The following RMI1 variants were observed in gnomAD, a reference collection of about 807,000 sequenced individuals.
The protein encoded by RMI1 is recQ-mediated genome instability protein 1.
A neutral mutation model predicts 46.7 loss-of-function variants in RMI1; 36 were observed. The ratio of observed to expected loss-of-function variants is 0.77; its 90% CI spans 0.59 to 1.02. The LOEUF is 1.02. RMI1 is among the 50% of genes least tolerant of loss of function. The pLI, the probability that RMI1 is intolerant of heterozygous loss-of-function variation, is 0.00. For missense variants in RMI1, 676 were observed against 713.7 expected (o/e 0.95, Z 0.60); for synonymous variants, 250 against 252.9 (o/e 0.99, Z 0.11).
At chr9:83,988,315 T>C (rs1037110821) in intron 1 of RMI1, among the ~76,000 whole-genome samples, 1 of 152,230 alleles carries the variant, frequency 6.6e-6, no homozygotes, top group African/African-American at 2.4e-5. Context: ...TCCTTTTGTT[T>C]TGTTTTGAAA....
At chr9:83,987,386 C>T (rs1017072048) in intron 1 of RMI1, among the ~76,000 whole-genome samples, 1 of 152,154 alleles carries the variant, frequency 6.6e-6, no homozygotes, top group African/African-American at 2.4e-5. Flanking sequence ...TATCACTTTT[C>T]TGCTCCTTTT....
chr9:83,980,982 G>T (rs1310035193), intron 1 of RMI1, 91 bp downstream of exon 1: 3 of 152,448 alleles, frequency 2.0e-5, no homozygotes, highest in Admixed American at 2.0e-4. Flanking sequence ...TGGTCTGTGG[G>T]CTGTGGGACG....
rs1269306184 is a variant in RMI1 at position 84,000,938 on chromosome 9, T to C, written c.-36-13T>C. 2 of 1,437,358 alleles carry C rather than the reference T, an allele frequency of 1.4e-6. No individual in the cohort carries two copies. The highest frequency in any genetic ancestry group is 2.9e-5 in the African/African-American group (2 of 70,072). The allele number at this position is 1,437,358 out of a possible 1,614,324, so 89.0% of individuals were successfully genotyped here. ...TACTGAATTATCTAAATTTTTTTGT[T>C]TTTTGTTTTCAGGTAATAGATGCAT... On this transcript the variant is annotated splice_polypyrimidine_tract_variant and intron_variant, in intron 2 of 2. Transcript: ENST00000445877.
chr9:84,001,452 A>G lies in RMI1; in HGVS notation c.466A>G (p.Ile156Val), dbSNP rs201209251. ...GGGAATGGAATATCAGCCTATTCCA[A>G]TTCTTCATAGTGATCTTCCTCCAGG... ...IQGMEYQPIP[I>V]LHSDLPPGTK... The change falls in exon 3 of 3, where the codon ATT becomes GTT. Residue 156 changes from isoleucine (I) to valine (V), a missense_variant. Coordinates refer to ENST00000445877, the MANE Select transcript of RMI1 (RefSeq NM_001358291.2). 3.7e-5 allele frequency: 59 copies of G among 1,613,864 alleles called. No individual in the cohort carries two copies. The highest frequency in any genetic ancestry group is 4.7e-5 in the Non-Finnish European group (56 of 1,179,882).
intron 1 of RMI1, 34 bp downstream of exon 1, chr9:83,980,925 T>G (rs1218246905): frequency 3.9e-5 from 6 of 152,300 alleles, no homozygotes; most frequent in Non-Finnish European, 8.8e-5. Context: ...GCCCGTGTTT[T>G]CACAGCCCAC....
rs373931371 is a variant in RMI1, at chr9:84,001,232, T to C, written c.246T>C (p.Asn82=). The change falls in exon 3 of 3, where the codon AAT becomes AAC. Residue 82 remains asparagine, a synonymous_variant. Transcript: ENST00000445877. The part of the protein sequence containing the change: ...GILEIPKGEL[N]GFYALQINSL... ...TAGAAATTCCAAAAGGAGAATTAAA[T>C]GGATTTTATGCTCTGCAGATTAATT... 1.9e-5 allele frequency: 31 copies of C among 1,614,044 alleles called. No individual in the cohort carries two copies. Among genetic ancestry groups the C allele is most frequent in the Non-Finnish European group, 5.1e-6 (6 of 1,180,000 alleles).
intron 1 of RMI1, among the ~76,000 whole-genome samples, chr9:83,988,773 A>G (rs1003118311): frequency 4.6e-5 from 7 of 152,206 alleles, no homozygotes; most frequent in African/African-American, 1.4e-4. Context: ...CCTGATGTCT[A>G]ATAATATTGA....
intron 1 of RMI1, among the ~76,000 whole-genome samples, chr9:83,983,880 A>C (rs1213241951): frequency 6.6e-6 from 1 of 152,130 alleles, no homozygotes; most frequent in African/African-American, 2.4e-5. Flanking sequence ...TTCCCAACAA[A>C]ATGTGAATGT....
In RMI1 at chr9:84,001,872, A is replaced by G; in HGVS notation, c.886A>G (p.Lys296Glu). The change falls in exon 3 of 3, where the codon AAA (lysine) becomes GAA (glutamate). Residue 296 changes from lysine to glutamate, a missense_variant. Transcript: ENST00000445877. Reference protein sequence around the residue: ...EPEFVISPRPKEEPSNLSIHV... With the variant: ...EPEFVISPRPEEEPSNLSIHV... ...AGAATTTGTTATTTCTCCAAGACCA[A>G]AAGAGGAACCATCAAACCTATCTAT... is the stretch of plus-strand genomic sequence containing the variant. The G allele has an allele frequency of 6.2e-7, 1 of 1,614,072 alleles. No individual in the cohort carries two copies. Among genetic ancestry groups the G allele is most frequent in the Non-Finnish European group, 8.5e-7 (1 of 1,179,964 alleles).
chr9:83,982,094 C>CA (rs1375787996), intron 1 of RMI1, among the ~76,000 whole-genome samples: 1 of 152,172 alleles, frequency 6.6e-6, no homozygotes, highest in Non-Finnish European at 1.5e-5. Context: ...TTCTAAAACA[C>CA]AAAGTTCAGA....
At position 84,002,823 on chromosome 9, in the gene RMI1, A is replaced by G. The variant is rs968787496; in HGVS notation, c.1837A>G (p.Met613Val). The G allele has an allele frequency of 7.6e-6, 12 of 1,585,908 alleles. No individual in the cohort carries two copies. Among genetic ancestry groups the G allele is most frequent in the East Asian group, 4.5e-5 (2 of 44,272 alleles). ...GGTACTGGCATTACAAGATGTTAAT[A>G]TGGAACACCTTGAGAATCTAAAGAA... ...AMVLALQDVNMEHLENLKKRL... is the reference protein window; with the variant it reads ...AMVLALQDVNVEHLENLKKRL... The change falls in exon 3 of 3, where the codon ATG becomes GTG. Residue 613 changes from methionine to valine, a missense_variant. Coordinates refer to ENST00000445877, the MANE Select transcript of RMI1 (RefSeq NM_001358291.2).
upstream of RMI1, chr9:83,980,672 A>C (rs554302760): frequency 1.3e-5 from 2 of 152,370 alleles, no homozygotes; most frequent in South Asian, 4.1e-4. Flanking sequence ...CTCTCGCGAG[A>C]TCTAACAACT....
At chr9:83,982,755 C>A (rs746422795) in intron 1 of RMI1, among the ~76,000 whole-genome samples, 16 of 151,780 alleles carry the variant, frequency 1.1e-4, no homozygotes, top group Non-Finnish European at 2.1e-4. Context: ...ATTATTCATC[C>A]CCTCTAGATG....
rs568188572 is a variant in RMI1 at position 83,989,003 on chromosome 9, C to T, written c.-126+8112C>T. 1.6e-4 allele frequency among the ~76,000 whole-genome samples: 24 copies of T among 152,170 alleles called. No individual in the cohort carries two copies. In the East Asian group the frequency reaches 4.1e-3, roughly 26 times the overall value. On this transcript the variant is annotated intron_variant, in intron 1 of 2. Coordinates refer to ENST00000445877, the MANE Select transcript of RMI1 (RefSeq NM_001358291.2). ...TCCTGAGTAGTTGAGACCACAGGCA[C>T]ATGCCACCATGCCCACCTAATTTTG...
intron 1 of RMI1, among the ~76,000 whole-genome samples, chr9:83,989,667 C>CAAAAAAAA (rs34101686): frequency 2.1e-5 from 3 of 141,990 alleles, no homozygotes; most frequent in Admixed American, 6.9e-5. Context: ...ATCAAAAAGA[C>CAAAAAAAA]AAAAAAAAAA....
At chr9:83,992,109 A>G (rs1957583770) in intron 1 of RMI1, among the ~76,000 whole-genome samples, 1 of 152,228 alleles carries the variant, frequency 6.6e-6, no homozygotes, top group East Asian at 1.9e-4. Context: ...CTTCTAATCC[A>G]TGAACACATC....
intron 1 of RMI1, among the ~76,000 whole-genome samples, chr9:83,997,565 G>A (rs1422551559): frequency 6.6e-6 from 1 of 152,050 alleles, no homozygotes; most frequent in African/African-American, 2.4e-5. Context: ...GGAGGAGGGT[G>A]TCACATGGAA....
intron 1 of RMI1, among the ~76,000 whole-genome samples, chr9:83,996,846 CA>C (rs1157924128): frequency 6.6e-6 from 1 of 150,516 alleles, no homozygotes; most frequent in African/African-American, 2.4e-5. Context: ...GTGGCCAGAG[CA>C]GGGGGAGGGC....
intron 1 of RMI1, among the ~76,000 whole-genome samples, chr9:83,983,844 T>C (rs373638080): frequency 9.2e-5 from 14 of 152,172 alleles, no homozygotes; most frequent in African/African-American, 3.4e-4. Context: ...GGGATTAAGC[T>C]GTATGTAATT....
Sources: gnomAD v4.1 joint callset for allele counts (sites outside exome capture counted in the v4.1 genomes callset) on GRCh38, gnomAD v4.1.1 for gene constraint, MANE v1.5 for transcripts, NCBI Gene and HGNC (gene_info 2026-07-23, HGNC 2026-07-21) for gene names.